HSD17B12: variants seen among roughly 807,000 people sequenced by gnomAD.
HSD17B12 encodes the protein hydroxysteroid 17-beta dehydrogenase 12, also known as very-long-chain 3-oxoacyl-CoA reductase.
In HSD17B12, 32 loss-of-function variants were observed where a neutral mutation model predicts 39.3. The observed-to-expected ratio is 0.81, with a 90% CI of 0.61 to 1.09. The LOEUF is 1.09. HSD17B12 is among the 50% of genes least tolerant of loss of function. The probability of loss-of-function intolerance (pLI) is 0.00; values close to 1 mark genes in which losing one functional copy is unlikely to be tolerated. For synonymous variants in HSD17B12, 150 were observed against 146.7 expected (o/e 1.02, Z -0.16); for missense variants, 342 against 382.9 (o/e 0.89, Z 0.89).
the HSD17B12 span, among the ~76,000 whole-genome samples, chr11:43,557,763 C>CG: frequency 4.6e-5 from 7 of 151,996 alleles, no homozygotes; most frequent in African/African-American, 1.7e-4. Context: ...GGTTAAAACT[C>CG]GGGGGCGGCA....
the HSD17B12 span, among the ~76,000 whole-genome samples, chr11:43,577,599 T>A: frequency 1.3e-5 from 2 of 152,110 alleles, no homozygotes; most frequent in African/African-American, 4.8e-5. Context: ...CCTCGTCCCC[T>A]CCCACTTCAT....
chr11:43,852,523 T>A (rs761843000), intron 9 of HSD17B12: 5 of 152,118 alleles, frequency 3.3e-5, no homozygotes, highest in Non-Finnish European at 7.4e-5. Context: ...TGAGAAATGG[T>A]TTGCTTATGT....
chr11:43,654,159 T>C, the HSD17B12 span, among the ~76,000 whole-genome samples: 2 of 152,234 alleles, frequency 1.3e-5, no homozygotes, highest in African/African-American at 4.8e-5. Flanking sequence ...TGGTGAGCAT[T>C]TTTTCATGTG....
chr11:43,609,896 T>C, the HSD17B12 span, among the ~76,000 whole-genome samples: 2 of 152,214 alleles, frequency 1.3e-5, no homozygotes, highest in Non-Finnish European at 2.9e-5. Flanking sequence ...AACTTTGAGA[T>C]AGACTTAGAG....
rs376292525 is a variant in HSD17B12, at chr11:43,838,298, G to A, written c.537-19G>A. The A allele has an allele frequency of 1.5e-5, 24 of 1,574,742 alleles. No homozygotes were observed. The highest frequency in any genetic ancestry group is 4.4e-5 in the South Asian group (4 of 90,170). ...TACTGTGGCTTCACTCCTTTTACACGGTACATTTTCCTTTTTAGATCCAAA... is the reference window on the plus strand; with the variant it reads ...TACTGTGGCTTCACTCCTTTTACACAGTACATTTTCCTTTTTAGATCCAAA... On this transcript the variant is annotated intron_variant, in intron 7 of 10. Coordinates refer to ENST00000278353, the MANE Select transcript of HSD17B12 (RefSeq NM_016142.3).
intron 3 of HSD17B12, among the ~76,000 whole-genome samples, chr11:43,763,485 G>A (rs1292441079): frequency 6.6e-6 from 1 of 151,726 alleles, no homozygotes; most frequent in Non-Finnish European, 1.5e-5. Context: ...TTATCATTAA[G>A]AGAAGACTAT....
the HSD17B12 span, among the ~76,000 whole-genome samples, chr11:43,566,644 C>T: frequency 1.1e-4 from 16 of 152,110 alleles, no homozygotes; most frequent in African/African-American, 3.9e-4. Context: ...ATTCTCCTAC[C>T]TCAGCCTCCC....
At chr11:43,613,409 A>G in the HSD17B12 span, among the ~76,000 whole-genome samples, 1 of 151,462 alleles carries the variant, frequency 6.6e-6, no homozygotes, top group Admixed American at 6.6e-5. Context: ...AAAACAACAA[A>G]ACAACAACAA....
At chr11:43,695,975 C>T (rs1051016202) in intron 1 of HSD17B12, among the ~76,000 whole-genome samples, 1 of 152,062 alleles carries the variant, frequency 6.6e-6, no homozygotes, top group African/African-American at 2.4e-5. Flanking sequence ...CATTATTTTT[C>T]CTGATCCTCT....
At chr11:43,754,023 TC>T (rs748128583) in intron 2 of HSD17B12, 22 bp from the exon 3 acceptor site, 1 of 1,559,184 alleles carries the variant, frequency 6.4e-7, no homozygotes, top group Non-Finnish European at 8.8e-7. Context: ...CAGGTGTGAT[TC>T]AAATCTCCTT....
At chr11:43,707,804 G>A (rs1047061519) in intron 1 of HSD17B12, among the ~76,000 whole-genome samples, 1 of 152,102 alleles carries the variant, frequency 6.6e-6, no homozygotes, top group Non-Finnish European at 1.5e-5. Flanking sequence ...AATTAAAGTG[G>A]ACTATCTAAC....
chr11:43,626,557 AT>A, the HSD17B12 span, among the ~76,000 whole-genome samples: 27 of 151,552 alleles, frequency 1.8e-4, no homozygotes, highest in East Asian at 7.8e-4. Context: ...TTTTTTTTGC[AT>A]TTTTTTTAAT....
intron 1 of HSD17B12, among the ~76,000 whole-genome samples, chr11:43,703,513 A>G (rs1196840062): frequency 6.6e-6 from 1 of 152,172 alleles, no homozygotes; most frequent in Non-Finnish European, 1.5e-5. Flanking sequence ...TAAATATTCT[A>G]ATAGTAGAAT....
At chr11:43,821,651 T>C (rs6485466) in intron 6 of HSD17B12, among the ~76,000 whole-genome samples, 96,536 of 151,776 alleles carry the variant, frequency 0.64, 31,147 homozygotes, top group East Asian at 0.71. Flanking sequence ...GAACTGCTAT[T>C]GATTGCTATT....
intron 1 of HSD17B12, among the ~76,000 whole-genome samples, chr11:43,682,684 C>A (rs1047965753): frequency 6.6e-6 from 1 of 151,718 alleles, no homozygotes; most frequent in South Asian, 2.1e-4. Context: ...CTACAAAAGA[C>A]TACAAGATTT....
chr11:43,662,053 G>A, the HSD17B12 span, among the ~76,000 whole-genome samples: 2 of 152,106 alleles, frequency 1.3e-5, no homozygotes, highest in African/African-American at 4.8e-5. Flanking sequence ...TAAAATTTTA[G>A]GCTCGGCATG....
chr11:43,733,879 C>A (rs1565068043), intron 1 of HSD17B12: 2 of 680,992 alleles, frequency 2.9e-6, no homozygotes, highest in South Asian at 2.9e-5. Flanking sequence ...GATCTTTGAC[C>A]AATTCCATGG....
At chr11:43,791,625 T>C (rs910144601) in intron 3 of HSD17B12, among the ~76,000 whole-genome samples, 1 of 152,190 alleles carries the variant, frequency 6.6e-6, no homozygotes, top group Non-Finnish European at 1.5e-5. Context: ...ACCTTTTGTT[T>C]ACCAAGTGCA....
chr11:43,744,303 A>G (rs1367550459), intron 1 of HSD17B12, among the ~76,000 whole-genome samples: 1 of 152,134 alleles, frequency 6.6e-6, no homozygotes, highest in African/African-American at 2.4e-5. Context: ...ATTTGGGTGC[A>G]TTTTCATGAT....
Sources: gnomAD v4.1 joint callset for allele counts (sites outside exome capture counted in the v4.1 genomes callset) on GRCh38, gnomAD v4.1.1 for gene constraint, MANE v1.5 for transcripts, NCBI Gene and HGNC (gene_info 2026-07-23, HGNC 2026-07-21) for gene names.